Variants in NTNG2 observed in about 807,000 individuals in gnomAD.
NTNG2 encodes the protein netrin G2.
In NTNG2, 15 loss-of-function variants were observed where a neutral mutation model predicts 47.6. That is an observed-to-expected ratio of 0.32 (90% CI 0.21 to 0.49). NTNG2 has a LOEUF of 0.49. Ranked by LOEUF, NTNG2 falls within the 20% of genes least tolerant of loss-of-function variation. NTNG2 has a pLI of 0.99. For synonymous variants in NTNG2, 307 were observed against 324.6 expected, an observed-to-expected ratio of 0.95 and a Z score of 0.58; for missense variants, 578 against 764.6, an observed-to-expected ratio of 0.76 and a Z score of 2.88.
intron 3 of NTNG2, 85 bp downstream of exon 3, chr9:132,198,694 A>T (rs986340476): frequency 2.0e-5 from 28 of 1,375,168 alleles, no homozygotes; most frequent in Non-Finnish European, 2.4e-5. Context: ...CTGGGATGTT[A>T]CCTGGTATGT....
In NTNG2 at chr9:132,221,953, C is replaced by T. The variant is rs1025506360; in HGVS notation, c.858-4896C>T. Among the ~76,000 whole-genome samples the T allele has an allele frequency of 2.6e-5, 4 of 152,216 alleles. No individual in the cohort carries two copies. Among genetic ancestry groups the T allele is most frequent in the Admixed American group, 2.0e-4 (3 of 15,280 alleles). On this transcript the variant is annotated intron_variant, in intron 3 of 7. Transcript: ENST00000393229. The surrounding 1 kb of genome is among the most constrained non-coding windows in gnomAD (Gnocchi z 4.2). ...CGGTAGCTGATATCTAAAAATATCC[C>T]TTCCTCAGGCCAGCAGTGCGGAGCA...
At chr9:132,194,424 C>A (rs1838126765) in intron 2 of NTNG2, among the ~76,000 whole-genome samples, 1 of 152,240 alleles carries the variant, frequency 6.6e-6, no homozygotes, top group Admixed American at 6.5e-5. Context: ...GCCTCTCAGT[C>A]CCTCACCATT....
intron 2 of NTNG2, among the ~76,000 whole-genome samples, chr9:132,169,753 G>A (rs1232458649): frequency 6.6e-6 from 1 of 152,206 alleles, no homozygotes; most frequent in Non-Finnish European, 1.5e-5. Flanking sequence ...TGGTACGTGC[G>A]GACACATAGT....
chr9:132,209,950 A>G, intron 3 of NTNG2, among the ~76,000 whole-genome samples: 1 of 151,836 alleles, frequency 6.6e-6, no homozygotes, highest in African/African-American at 2.4e-5. Context: ...GGAGCCGAGG[A>G]AGTGATCGGG....
intron 4 of NTNG2, among the ~76,000 whole-genome samples, chr9:132,229,689 G>C (rs1841051811): frequency 6.6e-6 from 1 of 152,208 alleles, no homozygotes; most frequent in Non-Finnish European, 1.5e-5. Context: ...GGAGTGGGTG[G>C]GGATGGGCTT....
At chr9:132,202,651 T>A (rs1336611367) in intron 3 of NTNG2, among the ~76,000 whole-genome samples, 1 of 152,208 alleles carries the variant, frequency 6.6e-6, no homozygotes, top group Non-Finnish European at 1.5e-5. Context: ...AGATCATCCC[T>A]TTATGGTGCT....
rs555747782 is a variant in NTNG2 at position 132,181,673 on chromosome 9, G to A, written c.213+14629G>A. ...CTCAGAGCAGAAACATCGAGCATTT[G>A]TTGAGTGCCTCATGTATACCAAGCC... On this transcript the variant is annotated intron_variant, in intron 2 of 7. Transcript: ENST00000393229. 7.2e-5 allele frequency among the ~76,000 whole-genome samples: 11 copies of A among 152,356 alleles called. No homozygotes were observed. In the East Asian group the frequency reaches 1.3e-3, roughly 19 times the overall value.
At chr9:132,203,056 G>T (rs1414521877) in intron 3 of NTNG2, among the ~76,000 whole-genome samples, 1 of 152,168 alleles carries the variant, frequency 6.6e-6, no homozygotes, top group Non-Finnish European at 1.5e-5. Context: ...GGGGAGGCTT[G>T]GGGTCAGGGC....
At chr9:132,241,111 G>T (rs1342681737) in intron 7 of NTNG2, 67 bp downstream of exon 7, 10 of 1,488,406 alleles carry the variant, frequency 6.7e-6, no homozygotes, top group African/African-American at 1.4e-5. Context: ...CGAGGCAGTG[G>T]GCGGGGCCTA....
intron 3 of NTNG2, among the ~76,000 whole-genome samples, chr9:132,214,498 C>T (rs964119031): frequency 1.3e-5 from 2 of 152,328 alleles, no homozygotes; most frequent in Non-Finnish European, 2.9e-5. Flanking sequence ...AGGTGAGGCC[C>T]GGTGCTGCCT....
chr9:132,222,609 C>T (rs145031494), intron 3 of NTNG2, among the ~76,000 whole-genome samples: 2 of 152,280 alleles, frequency 1.3e-5, no homozygotes, highest in African/African-American at 4.8e-5. Context: ...ATTCCAGAGA[C>T]GTCCTTCGTC....
chr9:132,224,574 C>T (rs931452999), intron 3 of NTNG2, among the ~76,000 whole-genome samples: 1 of 152,158 alleles, frequency 6.6e-6, no homozygotes, highest in Non-Finnish European at 1.5e-5. Flanking sequence ...CTCACTGTTC[C>T]CAGCTCAGAG....
At chr9:132,172,240 C>T (rs1015539848) in intron 2 of NTNG2, among the ~76,000 whole-genome samples, 1 of 152,182 alleles carries the variant, frequency 6.6e-6, no homozygotes, top group Non-Finnish European at 1.5e-5. Flanking sequence ...TTGGACCCTA[C>T]CTCCTCCTCC....
chr9:132,198,404 C>A lies in NTNG2; in HGVS notation c.652C>A (p.Arg218Ser), dbSNP rs762394861. 1 of 1,613,088 alleles carries A rather than the reference C, an allele frequency of 6.2e-7. No homozygotes were observed. The highest frequency in any genetic ancestry group is 2.2e-5 in the East Asian group (1 of 44,884). ...EKHVRFEVRDRFAIFAGPDLR... is the reference protein window; with the variant it reads ...EKHVRFEVRDSFAIFAGPDLR... ...GCACGTGCGCTTCGAGGTGCGGGAC[C>A]GCTTCGCCATCTTTGCCGGCCCCGA... The change falls in exon 3 of 8, where the codon CGC (arginine) becomes AGC (serine). Residue 218 changes from arginine to serine, a missense_variant. Transcript: ENST00000393229.
chr9:132,203,619 T>C (rs1445518392), intron 3 of NTNG2, among the ~76,000 whole-genome samples: 2 of 152,188 alleles, frequency 1.3e-5, no homozygotes. Flanking sequence ...GAAAACAAAA[T>C]ACCCCTGCAG....
rs1839871520 is a variant in NTNG2 at position 132,215,074 on chromosome 9, G to T, written c.858-11775G>T. On this transcript the variant is annotated intron_variant, in intron 3 of 7. Coordinates refer to ENST00000393229, the MANE Select transcript of NTNG2 (RefSeq NM_032536.4). The surrounding 1 kb of genome is among the most constrained non-coding windows in gnomAD (Gnocchi z 4.2). ...GTGTTTTTTTTAATTTTTTTGTAGAGATTGGGGGGGGGGGTCTCACTTTCT... is the reference window on the plus strand; with the variant it reads ...GTGTTTTTTTTAATTTTTTTGTAGATATTGGGGGGGGGGGTCTCACTTTCT... 2.4e-5 allele frequency among the ~76,000 whole-genome samples: 2 copies of T among 82,496 alleles called. No homozygotes were observed. Among genetic ancestry groups the T allele is most frequent in the Admixed American group, 2.0e-4 (2 of 9,978 alleles). The allele number at this position is 82,496 out of a possible 152,430, so 54.1% of individuals were successfully genotyped here.
chr9:132,193,070 G>A (rs892706994), intron 2 of NTNG2, among the ~76,000 whole-genome samples: 2 of 152,290 alleles, frequency 1.3e-5, no homozygotes, highest in Non-Finnish European at 2.9e-5. Context: ...CCTGTCCCCC[G>A]CCACAATGCC....
At chr9:132,216,156 C>G (rs1839952749) in intron 3 of NTNG2, among the ~76,000 whole-genome samples, 1 of 152,196 alleles carries the variant, frequency 6.6e-6, no homozygotes, top group African/African-American at 2.4e-5. Context: ...CCGTGACACT[C>G]ACCGGCCTTT....
Position 132,218,459 on chromosome 9 carries a change from G to A in NTNG2, c.858-8390G>A, listed in dbSNP as rs1840131274. 6.6e-6 allele frequency among the ~76,000 whole-genome samples: 1 copy of A among 151,926 alleles called. No homozygotes were observed. The highest frequency in any genetic ancestry group is 6.6e-5 in the Admixed American group (1 of 15,244). ...TGTCTACCCAGGAGACTTCCTTTGA[G>A]GCACAATGTGATAGCGTTTTGTTTT... On this transcript the variant is annotated intron_variant, in intron 3 of 7. Transcript: ENST00000393229. This position sits in a 1 kb window ranked among gnomAD's most constrained non-coding sequence, Gnocchi z 5.4.
Sources: gnomAD v4.1 joint callset for allele counts (sites outside exome capture counted in the v4.1 genomes callset) on GRCh38, gnomAD v4.1.1 for gene constraint, Gnocchi (gnomAD v3.1) non-coding constraint, MANE v1.5 for transcripts, NCBI Gene and HGNC (gene_info 2026-07-23, HGNC 2026-07-21) for gene names.